The following PDS5A variants were observed in gnomAD, a reference collection of about 807,000 sequenced individuals.
PDS5A encodes the protein sister chromatid cohesion protein PDS5 homolog A.
Under a neutral mutation model 167.1 loss-of-function variants are expected in PDS5A, and 42 were observed. The observed-to-expected ratio is 0.25, with a 90% CI of 0.20 to 0.33. The LOEUF is 0.33. PDS5A is among the 10% of genes least tolerant of loss of function. PDS5A has a pLI of 1.00. For missense variants in PDS5A, 1,033 were observed against 1,605.9 expected (o/e 0.64, Z 6.10); for synonymous variants, 553 against 554.6 (o/e 1.00, Z 0.04).
chr4:39,825,688 A>C (rs1299920607), intron 32 of PDS5A, among the ~76,000 whole-genome samples, 200 bp from the exon 33 acceptor site: 2 of 151,936 alleles, frequency 1.3e-5, no homozygotes, highest in Non-Finnish European at 2.9e-5. Flanking sequence ...CCTGGGTTCA[A>C]GTGGTCCTCC....
chr4:39,973,591 G>A (rs1578859753), intron 2 of PDS5A: 6 of 1,280,466 alleles, frequency 4.7e-6, no homozygotes, highest in East Asian at 4.6e-5. Context: ...GTTTGGTTTC[G>A]TATGTTTCTC....
intron 17 of PDS5A, among the ~76,000 whole-genome samples, chr4:39,882,657 A>G (rs1435353813): frequency 6.6e-6 from 1 of 152,232 alleles, no homozygotes; most frequent in Non-Finnish European, 1.5e-5. Flanking sequence ...TACCTGAGAA[A>G]TACAGTATGA....
intron 21 of PDS5A, 112 bp downstream of exon 21, chr4:39,872,874 T>C: frequency 1.5e-5 from 8 of 529,316 alleles, no homozygotes; most frequent in Non-Finnish European, 2.5e-5. Flanking sequence ...AGAACCAATA[T>C]AGAATAATTT....
rs984181630 is a variant in PDS5A at position 39,849,668 on chromosome 4, T to C, written c.3087-16A>G. 1 of 1,590,790 alleles carries C rather than the reference T, an allele frequency of 6.3e-7. No individual in the cohort carries two copies. The highest frequency in any genetic ancestry group is 8.6e-7 in the Non-Finnish European group (1 of 1,160,508). ...CCATAGGCACCTAAATGTAAACATA[T>C]TAAAGAGACTAGACGTAGATAGATG... On this transcript the variant is annotated splice_polypyrimidine_tract_variant and intron_variant, in intron 26 of 32. Transcript: ENST00000303538.
chr4:39,922,741 G>T lies in PDS5A; in HGVS notation c.535C>A (p.His179Asn). The stretch of plus-strand genomic sequence containing the variant: ...ATGTGCATTTGTACCTTCTTATTGT[G>T]GCTATTGCTATAAAAAAAAAAAAAA... ...RTLFSVINNS[H>N]NKKVQMHMLD... Residue 179 changes from histidine (H) to asparagine (N), a missense_variant, in exon 6 of 33, where the codon CAC (histidine) becomes AAC (asparagine). Physicochemically the swap from His to Asn is moderately conservative, Grantham distance 68. Coordinates refer to ENST00000303538, the MANE Select transcript of PDS5A (RefSeq NM_001100399.2). 1 of 1,464,770 alleles carries T rather than the reference G, an allele frequency of 6.8e-7. No homozygotes were observed. The highest frequency in any genetic ancestry group is 1.5e-5 in the South Asian group (1 of 66,796). The allele number at this position is 1,464,770 out of a possible 1,614,324, so 90.7% of individuals were successfully genotyped here.
intron 29 of PDS5A, 77 bp downstream of exon 29, chr4:39,845,741 T>C: frequency 7.6e-7 from 1 of 1,319,446 alleles, no homozygotes. Flanking sequence ...CTAGTGGTCA[T>C]TTAAAGGTAT....
chr4:39,908,780 T>C (rs1723613203), intron 10 of PDS5A: 2 of 439,108 alleles, frequency 4.6e-6, no homozygotes, highest in African/African-American at 4.1e-5. Flanking sequence ...TACCAGCACT[T>C]TGGGAGGCTG....
chr4:39,840,943 A>G (rs1716946289), intron 31 of PDS5A, among the ~76,000 whole-genome samples: 2 of 151,894 alleles, frequency 1.3e-5, no homozygotes, highest in African/African-American at 2.4e-5. Context: ...TTTAGTAGAG[A>G]CGGGGTTTCA....
At chr4:39,910,874 A>G (rs1254568260) in intron 9 of PDS5A, among the ~76,000 whole-genome samples, 4 of 152,142 alleles carry the variant, frequency 2.6e-5, no homozygotes, top group Non-Finnish European at 5.9e-5. Context: ...ATGCCTCTGT[A>G]GTCCCAGCTA....
chr4:39,878,837 G>A (rs992547324), intron 18 of PDS5A, among the ~76,000 whole-genome samples: 3 of 151,812 alleles, frequency 2.0e-5, no homozygotes, highest in African/African-American at 7.3e-5. Context: ...TCCACCTCCT[G>A]GGTTCCAGTG....
At chr4:39,946,892 G>A (rs1027496350) in intron 2 of PDS5A, among the ~76,000 whole-genome samples, 6 of 152,044 alleles carry the variant, frequency 3.9e-5, no homozygotes, top group African/African-American at 9.7e-5. Flanking sequence ...CAGCCTGGGC[G>A]TTGCAGCAAG....
intron 2 of PDS5A, among the ~76,000 whole-genome samples, chr4:39,941,514 T>C (rs1727222224): frequency 6.6e-6 from 1 of 152,240 alleles, no homozygotes; most frequent in East Asian, 1.9e-4. Flanking sequence ...GTACTATTAT[T>C]TGTAACATAG....
At chr4:39,867,733 A>AACACACACAC (rs142147688) in intron 22 of PDS5A, among the ~76,000 whole-genome samples, 1,335 of 130,682 alleles carry the variant, frequency 0.01, 8 homozygotes, top group Non-Finnish European at 0.013. Flanking sequence ...AAAAAACCAA[A>AACACACACAC]ACACACACAC....
intron 7 of PDS5A, among the ~76,000 whole-genome samples, chr4:39,919,438 G>C (rs1057394780): frequency 1.3e-5 from 2 of 152,194 alleles, no homozygotes; most frequent in African/African-American, 2.4e-5. Context: ...GAGGTCAGGA[G>C]ATCAAGACCA....
chr4:39,910,214 C>T (rs771857602), intron 10 of PDS5A, 30 bp downstream of exon 10: 2 of 1,109,676 alleles, frequency 1.8e-6, no homozygotes, highest in East Asian at 2.4e-5. Flanking sequence ...TATGGTTATG[C>T]TAATATGTGT....
At chr4:39,889,320 C>T (rs1269978322) in intron 17 of PDS5A, among the ~76,000 whole-genome samples, 1 of 152,220 alleles carries the variant, frequency 6.6e-6, no homozygotes, top group Non-Finnish European at 1.5e-5. Flanking sequence ...CTCAGGCTTA[C>T]ACCTCCAGAA....
chr4:39,842,909 TTATATATATATA>T (rs71194933), intron 30 of PDS5A, among the ~76,000 whole-genome samples: 11 of 92,304 alleles, frequency 1.2e-4, no homozygotes, highest in African/African-American at 3.3e-4. Context: ...TATCCTATTT[TTATATATATATA>T]TATATATATA....
At chr4:39,931,553 C>T (rs1429885445) in intron 2 of PDS5A, among the ~76,000 whole-genome samples, 1 of 152,130 alleles carries the variant, frequency 6.6e-6, no homozygotes, top group Non-Finnish European at 1.5e-5. Context: ...TTGACACTTG[C>T]TGTTGTTGAA....
chr4:39,871,710 TA>T (rs1720047740), intron 21 of PDS5A, among the ~76,000 whole-genome samples: 1 of 152,194 alleles, frequency 6.6e-6, no homozygotes, highest in Non-Finnish European at 1.5e-5. Flanking sequence ...TTTATTTATT[TA>T]TTTATTTTTT....
Sources: gnomAD v4.1 joint callset for allele counts (sites outside exome capture counted in the v4.1 genomes callset) on GRCh38, gnomAD v4.1.1 for gene constraint, MANE v1.5 for transcripts, NCBI Gene and HGNC (gene_info 2026-07-23, HGNC 2026-07-21) for gene names.